Variants in ADAMTSL1 observed in about 807,000 individuals in gnomAD.
The protein encoded by ADAMTSL1 is ADAMTS-like protein 1.
In ADAMTSL1, 126 loss-of-function variants were observed where a neutral mutation model predicts 201.8. That is an observed-to-expected ratio of 0.62 (90% CI 0.54 to 0.72). The LOEUF is 0.72. Ranked by LOEUF, ADAMTSL1 falls within the 30% of genes least tolerant of loss-of-function variation. ADAMTSL1 has a pLI of 0.00. For missense variants in ADAMTSL1, 2,679 were observed against 2,277.8 expected (o/e 1.18, Z -3.59); for synonymous variants, 1,121 against 903.4 (o/e 1.24, Z -4.32).
At chr9:18,211,527 T>C (rs1829869442) in intron 2 of ADAMTSL1, among the ~76,000 whole-genome samples, 1 of 152,218 alleles carries the variant, frequency 6.6e-6, no homozygotes, top group East Asian at 1.9e-4. Context: ...GACTCTCTTC[T>C]GAGCTCTGTC....
chr9:18,541,674 T>C (rs1489863934), intron 3 of ADAMTSL1, among the ~76,000 whole-genome samples: 4 of 152,238 alleles, frequency 2.6e-5, no homozygotes, highest in African/African-American at 4.8e-5. Flanking sequence ...TTACCAGTTA[T>C]GTGCTTTCAA....
At chr9:18,533,313 T>A (rs1318235819) in intron 3 of ADAMTSL1, 21 bp downstream of exon 3, 1 of 1,596,196 alleles carries the variant, frequency 6.3e-7, no homozygotes, top group Non-Finnish European at 8.5e-7. Context: ...GGTTCTGAGA[T>A]TGTAATCATG....
At chr9:18,526,507 T>C (rs1819062171) in intron 2 of ADAMTSL1, among the ~76,000 whole-genome samples, 1 of 152,232 alleles carries the variant, frequency 6.6e-6, no homozygotes, top group South Asian at 2.1e-4. Context: ...ATTTTGCTCA[T>C]TAGTTGACGC....
intron 13 of ADAMTSL1, among the ~76,000 whole-genome samples, chr9:18,700,108 G>A (rs1409349081): frequency 6.6e-6 from 1 of 152,054 alleles, no homozygotes; most frequent in Non-Finnish European, 1.5e-5. Flanking sequence ...ATTTAGGCGT[G>A]GTTCTAAGTA....
chr9:18,185,106 G>C (rs1828675828), intron 2 of ADAMTSL1, among the ~76,000 whole-genome samples: 2 of 152,242 alleles, frequency 1.3e-5, no homozygotes, highest in Non-Finnish European at 2.9e-5. Flanking sequence ...TAGCCCCTAT[G>C]ATCCTCACCT....
chr9:18,226,014 T>A (rs1830423307), intron 2 of ADAMTSL1, among the ~76,000 whole-genome samples: 1 of 152,126 alleles, frequency 6.6e-6, no homozygotes, highest in Non-Finnish European at 1.5e-5. Flanking sequence ...GAAAGTTTTA[T>A]ATTTAATAGG....
chr9:18,310,399 A>AAAAAAAAAC lies in ADAMTSL1; in HGVS notation c.207+146418_207+146419insAAAAAAAAC, dbSNP rs1440483712. ...AAAAAAAAAAAAAAAAAAAAAAAAA[A>AAAAAAAAAC]CTATCTTCAGAGTGAACAGGCAACC... On this transcript the variant is annotated intron_variant, in intron 2 of 29. Transcript: ENST00000680146. Among the ~76,000 whole-genome samples the AAAAAAAAAC allele has an allele frequency of 2.4e-3, 302 of 127,358 alleles. 18 individuals are homozygous for AAAAAAAAAC. The highest frequency in any genetic ancestry group is 4.3e-3 in the Non-Finnish European group (248 of 58,254). The allele number at this position is 127,358 out of a possible 152,430, so 83.6% of individuals were successfully genotyped here. A position where few individuals can be genotyped will look rare whatever the true frequency, so the allele number is the denominator to read the frequency against.
chr9:18,643,132 A>G (rs939337138), intron 7 of ADAMTSL1, among the ~76,000 whole-genome samples: 6 of 151,990 alleles, frequency 3.9e-5, no homozygotes, highest in African/African-American at 1.4e-4. Context: ...TATAAGGTGT[A>G]AGGTGATATT....
At chr9:18,675,780 G>A in intron 9 of ADAMTSL1, 77 bp from the exon 10 acceptor site, 1 of 1,295,714 alleles carries the variant, frequency 7.7e-7, no homozygotes, top group Admixed American at 2.0e-5. Flanking sequence ...TTAAAAATTT[G>A]TATAATGTAA....
At chr9:18,452,871 A>G (rs1182402804) in intron 2 of ADAMTSL1, among the ~76,000 whole-genome samples, 1 of 152,350 alleles carries the variant, frequency 6.6e-6, no homozygotes, top group Admixed American at 6.5e-5. Flanking sequence ...CAGCTCACGT[A>G]GGTTGGAGCC....
At chr9:18,520,190 T>C (rs934767581) in intron 2 of ADAMTSL1, among the ~76,000 whole-genome samples, 4 of 152,196 alleles carry the variant, frequency 2.6e-5, no homozygotes, top group African/African-American at 7.2e-5. Context: ...GCCTCCTAAC[T>C]GTTGCTCAAA....
At chr9:18,593,999 GT>G (rs1824094262) in intron 4 of ADAMTSL1, among the ~76,000 whole-genome samples, 1 of 151,934 alleles carries the variant, frequency 6.6e-6, no homozygotes, top group African/African-American at 2.4e-5. Context: ...AGATGGTTTT[GT>G]TTGGTAATGA....
At chr9:18,118,171 C>G (rs1227390748) in intron 1 of ADAMTSL1, among the ~76,000 whole-genome samples, 2 of 152,120 alleles carry the variant, frequency 1.3e-5, no homozygotes, top group East Asian at 3.9e-4. Context: ...TCACTTGCAT[C>G]TTGATTAAAA....
Position 18,156,631 on chromosome 9 carries a change from A to AACAC in ADAMTSL1, c.88-7229_88-7226dup, listed in dbSNP as rs1335288196. 4.9e-4 allele frequency among the ~76,000 whole-genome samples: 43 copies of AACAC among 87,056 alleles called. No individual in the cohort carries two copies. The East Asian group carries it at 6.6e-3, about 13-fold the overall frequency. 57.1% of individuals were successfully genotyped at this position (87,056 alleles called of 152,430 possible). On this transcript the variant is annotated intron_variant, in intron 1 of 29. Coordinates refer to the ADAMTSL1 transcript ENST00000680146. ...ATGTAAGATTTAAAGCACAGACATA[A>AACAC]ACACATACACACACACACACACACA...
At chr9:17,953,518 T>C (rs1335057319) in intron 1 of ADAMTSL1, among the ~76,000 whole-genome samples, 3 of 152,216 alleles carry the variant, frequency 2.0e-5, no homozygotes, top group Admixed American at 6.5e-5. Flanking sequence ...CATGAGGATG[T>C]TCATTCATCG....
At chr9:18,844,703 T>G (rs1563851488) in intron 23 of ADAMTSL1, among the ~76,000 whole-genome samples, 2 of 152,240 alleles carry the variant, frequency 1.3e-5, no homozygotes, top group African/African-American at 4.8e-5. Context: ...AGTTCGAGCT[T>G]CCTGGCTGCT....
intron 1 of ADAMTSL1, among the ~76,000 whole-genome samples, chr9:18,157,879 A>C (rs775314052): frequency 2.6e-4 from 40 of 152,010 alleles, no homozygotes; most frequent in Non-Finnish European, 5.0e-4. Flanking sequence ...TTAGCTGTGA[A>C]CACCTGAAGC....
chr9:18,192,319 C>G (rs908635264), intron 2 of ADAMTSL1, among the ~76,000 whole-genome samples: 8 of 152,128 alleles, frequency 5.3e-5, no homozygotes, highest in Non-Finnish European at 1.0e-4. Context: ...TTAAGTTGCT[C>G]TCTGTCCTGG....
Position 18,620,015 on chromosome 9 carries a change from A to ATT in ADAMTSL1, c.475-2206_475-2205dup, listed in dbSNP as rs35177614. ...AGGCAATTAGGTTATCAGTTTTCTG[A>ATT]TTTTTTTTTTTTTTTTTTTTTTTGG... On this transcript the variant is annotated intron_variant, in intron 4 of 28. Coordinates refer to ENST00000380548, the MANE Select transcript of ADAMTSL1 (RefSeq NM_001040272.6). Among the ~76,000 whole-genome samples, 102 of 101,078 alleles carry ATT rather than the reference A, an allele frequency of 1.0e-3. 1 individual carries two copies. Among genetic ancestry groups the ATT allele is most frequent in the East Asian group, 3.4e-3 (10 of 2,920 alleles). The allele number at this position is 101,078 out of a possible 152,430, so 66.3% of individuals were successfully genotyped here.
Sources: gnomAD v4.1 joint callset for allele counts (sites outside exome capture counted in the v4.1 genomes callset) on GRCh38, gnomAD v4.1.1 for gene constraint, MANE v1.5 for transcripts, NCBI Gene and HGNC (gene_info 2026-07-23, HGNC 2026-07-21) for gene names.